The following SV2C variants were observed in gnomAD, a reference collection of about 807,000 sequenced individuals.
The protein encoded by SV2C is synaptic vesicle glycoprotein 2C, also known as solute carrier family 22 member B3.
Under a neutral mutation model 79.7 loss-of-function variants are expected in SV2C, and 49 were observed. That is an observed-to-expected ratio of 0.61 (90% CI 0.49 to 0.78). The LOEUF (loss-of-function observed/expected upper bound fraction) is 0.78. SV2C is among the 30% of genes least tolerant of loss of function. The pLI is 0.00. For missense variants in SV2C, 833 were observed against 912.9 expected (o/e 0.91, Z 1.13); for synonymous variants, 334 against 333.2 (o/e 1.00, Z -0.03).
At chr5:76,127,924 G>A (rs1391988743) in intron 1 of SV2C, among the ~76,000 whole-genome samples, 2 of 152,018 alleles carry the variant, frequency 1.3e-5, no homozygotes, top group Admixed American at 6.6e-5. Flanking sequence ...GCTCCCTCCC[G>A]CCCTGCTCCC....
intron 12 of SV2C, chr5:76,311,238 T>C (rs1166306461): frequency 6.6e-6 from 1 of 152,312 alleles, no homozygotes; most frequent in Non-Finnish European, 1.5e-5. Context: ...TCTGTAGTAA[T>C]AGCCTGAGAT....
the SV2C span, among the ~76,000 whole-genome samples, chr5:75,969,650 CA>C: frequency 6.6e-6 from 1 of 152,196 alleles, no homozygotes; most frequent in Non-Finnish European, 1.5e-5. Flanking sequence ...GCACCCAATA[CA>C]GGAGCACCCA....
intron 2 of SV2C, among the ~76,000 whole-genome samples, chr5:76,171,541 C>A (rs1344949505): frequency 1.4e-5 from 2 of 141,396 alleles, no homozygotes; most frequent in Admixed American, 6.9e-5. Context: ...CCTCTCCGCC[C>A]GGCAGCCACC....
the SV2C span, among the ~76,000 whole-genome samples, chr5:76,009,991 G>GTTTTTTTTT: frequency 4.4e-5 from 5 of 112,642 alleles, no homozygotes; most frequent in African/African-American, 1.1e-4. Context: ...TATCTATTTT[G>GTTTTTTTTT]TTTTTTTTTT....
At chr5:76,094,490 A>G (rs72771971) in intron 1 of SV2C, among the ~76,000 whole-genome samples, 14,631 of 152,212 alleles carry the variant, frequency 0.096, 947 homozygotes, top group Middle Eastern at 0.19. Flanking sequence ...TTGTGTATCA[A>G]TAGTCAATTC....
At chr5:76,241,157 A>G (rs1353096082) in intron 4 of SV2C, among the ~76,000 whole-genome samples, 2 of 147,860 alleles carry the variant, frequency 1.4e-5, no homozygotes, top group Non-Finnish European at 3.0e-5. Context: ...GGGTTTCACC[A>G]TGTTGTCCAG....
At chr5:76,031,465 C>T in the SV2C span, among the ~76,000 whole-genome samples, 4 of 152,304 alleles carry the variant, frequency 2.6e-5, no homozygotes, top group South Asian at 4.1e-4. Flanking sequence ...TTGATCCACT[C>T]GGTGCCTGCC....
In SV2C at chr5:76,131,909, A is replaced by T; in HGVS notation, c.159A>T (p.Glu53Asp). The T allele has an allele frequency of 6.2e-7, 1 of 1,614,114 alleles. No homozygotes were observed. The highest frequency in any genetic ancestry group is 8.5e-7 in the Non-Finnish European group (1 of 1,179,998). ...CCTACAGTCGGTTCCAAGATGAAGA[A>T]GATGATGATGACTACTACCCGGCTG... ...QRSYSRFQDE[E>D]DDDDYYPAGE... Residue 53 changes from glutamate to aspartate, a missense_variant, in exon 2 of 13, where the codon GAA (glutamate) becomes GAT (aspartate). Transcript: ENST00000502798.
intron 1 of SV2C, among the ~76,000 whole-genome samples, chr5:76,089,810 T>C (rs1360954375): frequency 6.6e-6 from 1 of 152,178 alleles, no homozygotes; most frequent in African/African-American, 2.4e-5. Context: ...CATGAACAAG[T>C]TTCTTAACCT....
At chr5:76,084,879 G>C (rs1284095113) in intron 1 of SV2C, among the ~76,000 whole-genome samples, 2 of 151,942 alleles carry the variant, frequency 1.3e-5, no homozygotes, top group Non-Finnish European at 2.9e-5. Flanking sequence ...CGCACGGCCT[G>C]GGCTGGCGGG....
chr5:76,031,242 T>C, the SV2C span, among the ~76,000 whole-genome samples: 6 of 152,220 alleles, frequency 3.9e-5, no homozygotes, highest in African/African-American at 1.4e-4. Context: ...CCAGTGTCAG[T>C]GGGCATGTTG....
the SV2C span, among the ~76,000 whole-genome samples, chr5:75,847,670 A>G: frequency 2.0e-5 from 3 of 152,194 alleles, no homozygotes; most frequent in African/African-American, 4.8e-5. Context: ...CTTTGATTCT[A>G]AGTTTGAGGT....
intron 1 of SV2C, among the ~76,000 whole-genome samples, chr5:76,125,901 T>G (rs902220013): frequency 6.6e-6 from 1 of 151,958 alleles, no homozygotes; most frequent in African/African-American, 2.4e-5. Flanking sequence ...CTACAAAAAA[T>G]AAAATGTTAG....
At chr5:76,240,247 A>G (rs559527592) in intron 4 of SV2C, among the ~76,000 whole-genome samples, 3 of 152,294 alleles carry the variant, frequency 2.0e-5, no homozygotes, top group Non-Finnish European at 2.9e-5. Context: ...CCTACCCCAA[A>G]TGTGGCAAGT....
At chr5:75,883,843 T>TA in the SV2C span, among the ~76,000 whole-genome samples, 4,271 of 146,028 alleles carry the variant, frequency 0.029, 185 homozygotes, top group African/African-American at 0.1. Flanking sequence ...ATAATAATAT[T>TA]TAAAAAAAAA....
chr5:76,275,608 A>G (rs1334583341), intron 4 of SV2C, among the ~76,000 whole-genome samples: 2 of 152,208 alleles, frequency 1.3e-5, no homozygotes, highest in Non-Finnish European at 1.5e-5. Flanking sequence ...GCATCCTTGT[A>G]TGTGTGTCAC....
At chr5:75,874,509 C>A in the SV2C span, among the ~76,000 whole-genome samples, 1 of 152,110 alleles carries the variant, frequency 6.6e-6, no homozygotes, top group Non-Finnish European at 1.5e-5. Flanking sequence ...GCTAGGATGC[C>A]CTCTCTCACC....
At chr5:75,935,398 C>G in the SV2C span, among the ~76,000 whole-genome samples, 1 of 152,094 alleles carries the variant, frequency 6.6e-6, no homozygotes, top group Non-Finnish European at 1.5e-5. Context: ...TTGGAATTAG[C>G]TCTGAAAGTT....
intron 1 of SV2C, among the ~76,000 whole-genome samples, chr5:76,111,051 A>T (rs1235371015): frequency 2.0e-5 from 3 of 152,242 alleles, no homozygotes; most frequent in Non-Finnish European, 4.4e-5. Context: ...TTACTTTATA[A>T]GTATAAATGT....
Sources: allele counts gnomAD v4.1 joint callset (sites outside exome capture counted in the v4.1 genomes callset), GRCh38; gene constraint gnomAD v4.1.1; transcripts MANE v1.5; gene names NCBI Gene and HGNC (gene_info 2026-07-23, HGNC 2026-07-21).